Variants in NTN1 observed in about 807,000 individuals in gnomAD.
NTN1 encodes netrin 1.
Under a neutral mutation model 54.2 loss-of-function variants are expected in NTN1, and 11 were observed. That is an observed-to-expected ratio of 0.20 (90% CI 0.13 to 0.34). NTN1 has a LOEUF of 0.34. Among genes scored for constraint, NTN1 ranks in the 10% least tolerant of loss-of-function variants. The pLI, the probability that NTN1 is intolerant of heterozygous loss-of-function variation, is 1.00. For synonymous variants in NTN1, 371 were observed against 382.0 expected, an observed-to-expected ratio of 0.97 and a Z score of 0.33; for missense variants, 740 against 893.1, an observed-to-expected ratio of 0.83 and a Z score of 2.18.
the NTN1 span, among the ~76,000 whole-genome samples, chr17:9,006,411 G>T: frequency 3.2e-4 from 49 of 152,306 alleles, no homozygotes; most frequent in African/African-American, 1.2e-3. Flanking sequence ...CCAGGCAGGA[G>T]GTGGTGGACT....
rs561960834 is a variant in NTN1 at position 9,059,404 on chromosome 17, T to C, written c.1018+36013T>C. Among the ~76,000 whole-genome samples the C allele has an allele frequency of 6.6e-5, 10 of 152,120 alleles. No individual in the cohort carries two copies. In the South Asian group the frequency reaches 1.9e-3, roughly 28 times the overall value. ...AACATTATTCACAATAGCCAAAAGGTGGAAACAACCCACATGTCCGTGAAC... is the reference window on the plus strand; with the variant it reads ...AACATTATTCACAATAGCCAAAAGGCGGAAACAACCCACATGTCCGTGAAC... On this transcript the variant is annotated intron_variant, in intron 2 of 6. Coordinates refer to ENST00000173229, the MANE Select transcript of NTN1 (RefSeq NM_004822.3).
intron 2 of NTN1, among the ~76,000 whole-genome samples, chr17:9,095,399 A>AT (rs1171738467): frequency 6.6e-6 from 1 of 152,180 alleles, no homozygotes; most frequent in Non-Finnish European, 1.5e-5. Context: ...TCATAGCTTA[A>AT]TTTTTTATAC....
Position 9,112,460 on chromosome 17 carries a change from C to G in NTN1, c.1019-50353C>G, listed in dbSNP as rs144813780. On this transcript the variant is annotated intron_variant, in intron 2 of 6. Transcript: ENST00000173229. ...CAGCGAGATTATTTCAGCTCTCATA[C>G]TGTAAACAAGTGTCTTTTCGTTGTC... 4.3e-3 allele frequency among the ~76,000 whole-genome samples: 653 copies of G among 152,286 alleles called. 6 individuals are homozygous for G. The highest frequency in any genetic ancestry group is 0.014 in the African/African-American group (571 of 41,560).
intron 2 of NTN1, among the ~76,000 whole-genome samples, chr17:9,138,367 G>A (rs2092287434): frequency 6.6e-6 from 1 of 152,168 alleles, no homozygotes; most frequent in South Asian, 2.1e-4. Flanking sequence ...ACGTGTCTGC[G>A]ATGTTCTCAG....
chr17:9,237,846 C>A (rs1360404326), intron 6 of NTN1, among the ~76,000 whole-genome samples: 1 of 152,146 alleles, frequency 6.6e-6, no homozygotes, highest in Non-Finnish European at 1.5e-5. Context: ...GGCTGGAGGG[C>A]TCCCCCCACC....
At chr17:9,087,687 T>C (rs1199430581) in intron 2 of NTN1, among the ~76,000 whole-genome samples, 1 of 152,178 alleles carries the variant, frequency 6.6e-6, no homozygotes, top group Non-Finnish European at 1.5e-5. Flanking sequence ...ACCCAGAGGA[T>C]TGAATCAAGC....
intron 2 of NTN1, among the ~76,000 whole-genome samples, chr17:9,079,130 G>A (rs1389387067): frequency 6.6e-6 from 1 of 152,154 alleles, no homozygotes; most frequent in Non-Finnish European, 1.5e-5. Context: ...ATAGTACAGG[G>A]CCCCAGATCT....
chr17:9,122,804 T>C (rs184286879), intron 2 of NTN1, among the ~76,000 whole-genome samples: 1 of 152,392 alleles, frequency 6.6e-6, no homozygotes, highest in East Asian at 1.9e-4. Flanking sequence ...TTCCACTATA[T>C]GCAGTCATAC....
At chr17:9,041,736 C>T (rs1293457074) in intron 2 of NTN1, among the ~76,000 whole-genome samples, 1 of 152,016 alleles carries the variant, frequency 6.6e-6, no homozygotes, top group Non-Finnish European at 1.5e-5. Flanking sequence ...CATCCAGGTG[C>T]GGTGGCTCAT....
intron 2 of NTN1, among the ~76,000 whole-genome samples, chr17:9,129,882 A>G (rs1477066314): frequency 6.6e-6 from 1 of 152,214 alleles, no homozygotes; most frequent in Non-Finnish European, 1.5e-5. Flanking sequence ...GATGAAATAC[A>G]GAAAATCTCA....
At position 9,226,154 on chromosome 17, in the gene NTN1, T is replaced by TG. The variant is rs77061231; in HGVS notation, c.1486+4912_1486+4913insG. On this transcript the variant is annotated intron_variant, in intron 6 of 6. Coordinates refer to ENST00000173229, the MANE Select transcript of NTN1 (RefSeq NM_004822.3). ...AAGGGCACGAAGCAAGGCAAAGGGA[T>TG]TTGGGGTCGGGGGGGGGCCTCAGTG... Among the ~76,000 whole-genome samples, 10 of 42,662 alleles carry TG rather than the reference T, an allele frequency of 2.3e-4. No individual in the cohort carries two copies. In the South Asian group the frequency reaches 2.5e-3, roughly 11 times the overall value. 28.0% of individuals were successfully genotyped at this position (42,662 alleles called of 152,430 possible).
At chr17:9,141,922 C>T (rs550131669) in intron 2 of NTN1, among the ~76,000 whole-genome samples, 51 of 152,078 alleles carry the variant, frequency 3.4e-4, no homozygotes, top group African/African-American at 1.2e-3. Context: ...ATTAGCTGGG[C>T]GTACTCAGGA....
intron 2 of NTN1, among the ~76,000 whole-genome samples, chr17:9,148,069 G>A (rs1258949854): frequency 6.6e-6 from 1 of 152,166 alleles, no homozygotes; most frequent in Non-Finnish European, 1.5e-5. Flanking sequence ...GCTAACTAGT[G>A]ACAGGGCCTC....
the NTN1 span, among the ~76,000 whole-genome samples, chr17:9,015,585 C>T: frequency 1.3e-5 from 2 of 152,072 alleles, no homozygotes; most frequent in Non-Finnish European, 2.9e-5. Context: ...GGAGTGTACC[C>T]TCCCCTGTAT....
chr17:9,215,721 T>C (rs1198203252), intron 5 of NTN1, among the ~76,000 whole-genome samples: 1 of 152,198 alleles, frequency 6.6e-6, no homozygotes, highest in African/African-American at 2.4e-5. Context: ...TGGCTTGTTG[T>C]TGTTGTTGTT....
intron 5 of NTN1, among the ~76,000 whole-genome samples, chr17:9,185,694 A>C (rs1000380376): frequency 1.3e-5 from 2 of 152,152 alleles, no homozygotes; most frequent in Non-Finnish European, 2.9e-5. Flanking sequence ...GCACTCACCT[A>C]CTTGTTGGTT....
chr17:9,007,258 CTT>C, the NTN1 span, among the ~76,000 whole-genome samples: 8 of 141,936 alleles, frequency 5.6e-5, no homozygotes, highest in South Asian at 2.2e-4. Context: ...CCTTCCTTCT[CTT>C]TCTCTCTTTC....
intron 2 of NTN1, among the ~76,000 whole-genome samples, chr17:9,143,573 C>T (rs1399228755): frequency 1.3e-5 from 2 of 152,122 alleles, no homozygotes; most frequent in Non-Finnish European, 2.9e-5. Context: ...AGAGTAAAGA[C>T]GATCTAGGGA....
At chr17:9,158,319 C>G (rs923469536) in intron 2 of NTN1, among the ~76,000 whole-genome samples, 1 of 152,152 alleles carries the variant, frequency 6.6e-6, no homozygotes. Flanking sequence ...AGGCTGAGCT[C>G]CCAGAAGGGG....
Sources: gnomAD v4.1 joint callset for allele counts (sites outside exome capture counted in the v4.1 genomes callset) on GRCh38, gnomAD v4.1.1 for gene constraint, MANE v1.5 for transcripts, NCBI Gene and HGNC (gene_info 2026-07-23, HGNC 2026-07-21) for gene names.